The following SIL1 variants were observed in gnomAD, a reference collection of about 807,000 sequenced individuals.
SIL1 encodes the protein SIL1 nucleotide exchange factor.
Under a neutral mutation model 49.1 loss-of-function variants are expected in SIL1, and 40 were observed. That is an observed-to-expected ratio of 0.81 (90% confidence interval 0.63 to 1.06). The LOEUF is 1.06. Ranked by LOEUF, SIL1 falls within the 50% of genes least tolerant of loss-of-function variation. The pLI is 0.00. For synonymous variants in SIL1, 253 were observed against 250.8 expected (o/e 1.01, Z -0.08); for missense variants, 500 against 572.6 (o/e 0.87, Z 1.29).
In SIL1 at chr5:139,019,811, G is replaced by A. The variant is rs535931074; in HGVS notation, c.767+1360C>T. Among the ~76,000 whole-genome samples, 8 of 152,264 alleles carry A rather than the reference G, an allele frequency of 5.3e-5. No homozygotes were observed. In the South Asian group the frequency reaches 6.2e-4, roughly 12 times the overall value. ...TATTAAAGGTAGAATAAAAGTACTC[G>A]GGAGTAAGGCAAAGATTTCCAAAAA... On this transcript the variant is annotated intron_variant, in intron 7 of 9. Transcript: ENST00000394817.
At chr5:138,998,976 C>A (rs958900965) in intron 7 of SIL1, among the ~76,000 whole-genome samples, 1 of 151,052 alleles carries the variant, frequency 6.6e-6, no homozygotes, top group Admixed American at 6.6e-5. Context: ...CCTGCCTCAG[C>A]CTTCGGAGTA....
At chr5:139,177,816 G>T (rs1751916205) in intron 1 of SIL1, among the ~76,000 whole-genome samples, 1 of 152,194 alleles carries the variant, frequency 6.6e-6, no homozygotes, top group Admixed American at 6.5e-5. Context: ...CCCATTTCTG[G>T]CCCTCCAGAC....
rs1373646208 is a variant in SIL1 at position 139,173,128 on chromosome 5, TGAA to T, written c.-11+25138_-11+25140del. On this transcript the variant is annotated intron_variant, in intron 1 of 9. Transcript: ENST00000394817. ...TGAAAGGGGTGAGAAATGGAGCTGT[TGAA>T]GAAGCCGAGTTTTCTATGCTATTGA... Among the ~76,000 whole-genome samples, 33 of 152,214 alleles carry T rather than the reference TGAA, an allele frequency of 2.2e-4. 1 individual carries two copies. The highest frequency in any genetic ancestry group is 8.0e-4 in the African/African-American group (33 of 41,448).
At chr5:139,091,364 G>A (rs2151776498) in intron 3 of SIL1, among the ~76,000 whole-genome samples, 1 of 151,746 alleles carries the variant, frequency 6.6e-6, no homozygotes, top group East Asian at 1.9e-4. Context: ...AAAATAAGGA[G>A]AAAAAGACCA....
chr5:139,104,282 C>T (rs1055437951), intron 3 of SIL1, among the ~76,000 whole-genome samples: 3 of 152,126 alleles, frequency 2.0e-5, no homozygotes, highest in Admixed American at 6.5e-5. Context: ...AACAATGGGT[C>T]GAGCATGGGT....
At chr5:139,028,495 C>CACAAA (rs56269800) in intron 5 of SIL1, among the ~76,000 whole-genome samples, 2,964 of 149,280 alleles carry the variant, frequency 0.02, 53 homozygotes, top group East Asian at 0.082. Context: ...GAGACTCCAT[C>CACAAA]ACAAAACAAA....
intron 1 of SIL1, among the ~76,000 whole-genome samples, chr5:139,159,552 G>A (rs1326117906): frequency 1.3e-5 from 2 of 152,134 alleles, no homozygotes; most frequent in African/African-American, 4.8e-5. Flanking sequence ...AGAGCTTTGA[G>A]GCTTCTTGGG....
intron 3 of SIL1, among the ~76,000 whole-genome samples, chr5:139,067,465 A>T (rs1174535910): frequency 6.6e-6 from 1 of 152,202 alleles, no homozygotes; most frequent in Non-Finnish European, 1.5e-5. Context: ...TTTATCCTTA[A>T]ACATTCAAGT....
chr5:139,026,558 G>C lies in SIL1; in HGVS notation c.645+243C>G, dbSNP rs10038832. On this transcript the variant is annotated intron_variant, in intron 6 of 9. Transcript: ENST00000394817. ...GTGGAGGTTGCAGTGAGCCGAGATCGCGCCACTGCACTCCAGGCTGGGTGA... is the reference window on the plus strand; with the variant it reads ...GTGGAGGTTGCAGTGAGCCGAGATCCCGCCACTGCACTCCAGGCTGGGTGA... 0.022 allele frequency among the ~76,000 whole-genome samples: 3,291 copies of C among 152,226 alleles called. 129 individuals carry two copies. The highest frequency in any genetic ancestry group is 0.076 in the African/African-American group (3,170 of 41,520).
intron 3 of SIL1, among the ~76,000 whole-genome samples, chr5:139,110,778 C>T (rs1370815151): frequency 6.6e-6 from 1 of 152,224 alleles, no homozygotes; most frequent in Non-Finnish European, 1.5e-5. Context: ...CTTGATGTTC[C>T]CTGTCTTCAG....
intron 4 of SIL1, among the ~76,000 whole-genome samples, chr5:139,044,040 A>G (rs1478496863): frequency 6.6e-6 from 1 of 152,180 alleles, no homozygotes; most frequent in Non-Finnish European, 1.5e-5. Context: ...CATTCTTCCT[A>G]GAGACCTTTT....
At chr5:139,151,250 G>A (rs998982577) in intron 1 of SIL1, among the ~76,000 whole-genome samples, 1 of 152,062 alleles carries the variant, frequency 6.6e-6, no homozygotes, top group African/African-American at 2.4e-5. Flanking sequence ...AGAGGAAGGG[G>A]GCAACAGGAG....
rs1397080038 is a variant in SIL1 at position 139,005,609 on chromosome 5, C to G, written c.767+15562G>C. ...CAATGCTATCCCTCCCCCCTCCCCC[C>G]ACCCCACCACAGTCCCCAGAGTGTG... is the stretch of plus-strand genomic sequence containing the variant. On this transcript the variant is annotated intron_variant, in intron 7 of 9. Transcript: ENST00000394817. 5.9e-3 allele frequency among the ~76,000 whole-genome samples: 592 copies of G among 100,570 alleles called. 3 individuals are homozygous for G. Among genetic ancestry groups the G allele is most frequent in the Non-Finnish European group, 8.3e-3 (421 of 50,994 alleles). 66.0% of individuals were successfully genotyped at this position (100,570 alleles called of 152,430 possible).
chr5:139,016,421 A>G (rs1768399359), intron 7 of SIL1, among the ~76,000 whole-genome samples: 4 of 152,224 alleles, frequency 2.6e-5, no homozygotes, highest in Admixed American at 2.6e-4. Flanking sequence ...TGTAGACACT[A>G]GAGTCATCCA....
At chr5:139,047,935 C>T (rs1474705791) in intron 4 of SIL1, among the ~76,000 whole-genome samples, 1 of 152,196 alleles carries the variant, frequency 6.6e-6, no homozygotes, top group Non-Finnish European at 1.5e-5. Context: ...ATATTTCTCC[C>T]TTATGGTGTG....
chr5:138,962,466 AT>A (rs1368302410), intron 7 of SIL1, among the ~76,000 whole-genome samples: 1 of 152,210 alleles, frequency 6.6e-6, no homozygotes, highest in Non-Finnish European at 1.5e-5. Context: ...CAGTTTCTGC[AT>A]TTGTAAAACA....
At chr5:139,160,816 C>A (rs574962316) in intron 1 of SIL1, among the ~76,000 whole-genome samples, 1 of 150,980 alleles carries the variant, frequency 6.6e-6, no homozygotes, top group Admixed American at 6.6e-5. Context: ...GGAAACAGAG[C>A]AAGACTCCAT....
At chr5:139,041,338 G>A (rs1386149632) in intron 5 of SIL1, among the ~76,000 whole-genome samples, 4 of 152,226 alleles carry the variant, frequency 2.6e-5, no homozygotes, top group African/African-American at 9.6e-5. Context: ...TTCTTAAACA[G>A]GTAAACACCA....
At chr5:139,024,276 C>G (rs1768595944) in intron 6 of SIL1, among the ~76,000 whole-genome samples, 1 of 152,138 alleles carries the variant, frequency 6.6e-6, no homozygotes, top group South Asian at 2.1e-4. Context: ...TTAAATATCT[C>G]TAATGGAAAA....
Sources: gnomAD v4.1 joint callset for allele counts (sites outside exome capture counted in the v4.1 genomes callset) on GRCh38, gnomAD v4.1.1 for gene constraint, MANE v1.5 for transcripts, NCBI Gene and HGNC (gene_info 2026-07-23, HGNC 2026-07-21) for gene names.